The following SNX25 variants were observed in gnomAD, a reference collection of about 807,000 sequenced individuals.
The protein encoded by SNX25 is sorting nexin-25.
Under a neutral mutation model 113.7 loss-of-function variants are expected in SNX25, and 62 were observed. The observed-to-expected ratio is 0.55, with a 90% CI of 0.44 to 0.67. The LOEUF is 0.67. SNX25 is among the 30% of genes least tolerant of loss of function. The pLI is 0.00. For synonymous variants in SNX25, 421 were observed against 436.2 expected (o/e 0.97, Z 0.43); for missense variants, 1,014 against 1,161.0 (o/e 0.87, Z 1.84).
intron 5 of SNX25, among the ~76,000 whole-genome samples, chr4:185,286,165 G>A (rs1183058423): frequency 6.6e-6 from 1 of 152,072 alleles, no homozygotes; most frequent in African/African-American, 2.4e-5. Flanking sequence ...ATCCAGGCTG[G>A]AGGGCAGTGG....
chr4:185,322,703 A>G (rs980148000), intron 8 of SNX25, among the ~76,000 whole-genome samples: 1 of 152,234 alleles, frequency 6.6e-6, no homozygotes, highest in African/African-American at 2.4e-5. Context: ...TCTCAAAGGA[A>G]TATTGTAAAG....
At chr4:185,324,769 C>T (rs1013662940) in intron 9 of SNX25, among the ~76,000 whole-genome samples, 2 of 151,908 alleles carry the variant, frequency 1.3e-5, no homozygotes, top group East Asian at 3.9e-4. Context: ...TCCAGGATGG[C>T]GATGCTCCTG....
chr4:185,231,261 G>A (rs1291252631), intron 1 of SNX25, among the ~76,000 whole-genome samples: 2 of 151,590 alleles, frequency 1.3e-5, no homozygotes, highest in African/African-American at 4.8e-5. Flanking sequence ...ACCACGCCCG[G>A]CTAATTTTTT....
upstream of SNX25, among the ~76,000 whole-genome samples, chr4:185,205,452 T>C (rs893299884): frequency 4.4e-5 from 6 of 136,028 alleles, no homozygotes; most frequent in African/African-American, 1.6e-4. Flanking sequence ...AGACTGTGTC[T>C]CAAAAAAAAA....
chr4:185,370,968 G>C (rs1340933884), downstream of SNX25: 1 of 694,370 alleles, frequency 1.4e-6, no homozygotes, highest in East Asian at 2.8e-5. Flanking sequence ...GGTCCATGTA[G>C]GCACCTCATA....
downstream of SNX25, among the ~76,000 whole-genome samples, chr4:185,373,521 T>C (rs1198563469): frequency 6.6e-6 from 1 of 152,236 alleles, no homozygotes; most frequent in Non-Finnish European, 1.5e-5. Flanking sequence ...GGATAAACGC[T>C]GTATGTAGGC....
intron 12 of SNX25, among the ~76,000 whole-genome samples, chr4:185,342,411 T>G (rs2095264374): frequency 6.6e-6 from 1 of 152,224 alleles, no homozygotes; most frequent in Non-Finnish European, 1.5e-5. Flanking sequence ...TGTGATATCT[T>G]GATGGTAGTG....
chr4:185,215,195 C>G (rs1217571196), intron 1 of SNX25, among the ~76,000 whole-genome samples: 5 of 151,928 alleles, frequency 3.3e-5, no homozygotes, highest in South Asian at 2.1e-4. Context: ...TGCCACTGCA[C>G]TCCAGCCTGG....
In SNX25 at chr4:185,363,646, G is replaced by GA. The variant is rs1331276753; in HGVS notation, c.*188dup. 17 of 477,862 alleles carry GA rather than the reference G, an allele frequency of 3.6e-5. No homozygotes were observed. The South Asian group carries it at 6.7e-4, about 19-fold the overall frequency. The allele number at this position is 477,862 out of a possible 1,614,324, so 29.6% of individuals were successfully genotyped here. On this transcript the variant is annotated 3_prime_UTR_variant, in exon 19 of 19. Transcript: ENST00000652585. This position sits in a 1 kb window ranked among gnomAD's most constrained non-coding sequence, Gnocchi z 4.2. ...GGGACTTATGCTGTGGTAGGCAACA[G>GA]AAAAAAACTTCTATTGATTTTAATT... is the stretch of plus-strand genomic sequence containing the variant.
downstream of SNX25, among the ~76,000 whole-genome samples, chr4:185,371,637 A>G (rs1050651338): frequency 6.6e-6 from 1 of 152,018 alleles, no homozygotes; most frequent in Non-Finnish European, 1.5e-5. Context: ...GATCCAGTCA[A>G]CTCCATGTTA....
chr4:185,374,048 G>A (rs967633536), downstream of SNX25: 36 of 1,089,330 alleles, frequency 3.3e-5, no homozygotes, highest in Admixed American at 2.4e-4. Context: ...TATTTAAAAC[G>A]ACATTCCCCA....
intron 9 of SNX25, among the ~76,000 whole-genome samples, chr4:185,325,306 G>A (rs968411443): frequency 1.3e-5 from 2 of 152,088 alleles, no homozygotes; most frequent in Non-Finnish European, 2.9e-5. Flanking sequence ...GGCTGAGGTG[G>A]GTGGATCATG....
intron 2 of SNX25, among the ~76,000 whole-genome samples, chr4:185,256,247 GTTATC>G (rs1358856234): frequency 1.3e-5 from 2 of 152,148 alleles, no homozygotes; most frequent in Non-Finnish European, 2.9e-5. Context: ...GGAAGGCACA[GTTATC>G]TTATCCCTAC....
At chr4:185,304,930 C>G (rs6846331) in intron 6 of SNX25, among the ~76,000 whole-genome samples, 1 of 152,126 alleles carries the variant, frequency 6.6e-6, no homozygotes, top group South Asian at 2.1e-4. Context: ...ACGAGAAGAC[C>G]TGAGCATCCT....
chr4:185,349,933 C>T (rs1163220025), intron 13 of SNX25, among the ~76,000 whole-genome samples: 1 of 152,228 alleles, frequency 6.6e-6, no homozygotes, highest in Admixed American at 6.5e-5. Context: ...TGGGGGAGAA[C>T]ATCTCACTAC....
At chr4:185,251,230 A>C (rs1467035763) in intron 2 of SNX25, among the ~76,000 whole-genome samples, 1 of 152,082 alleles carries the variant, frequency 6.6e-6, no homozygotes, top group East Asian at 1.9e-4. Context: ...CCTGACCTCA[A>C]GTGATCCGCT....
chr4:185,372,932 C>T (rs200032008), downstream of SNX25: 35 of 1,613,914 alleles, frequency 2.2e-5, no homozygotes, highest in East Asian at 2.0e-4. Flanking sequence ...TGAGCATAGA[C>T]GTTTCCGCGT....
rs869069759 is a variant in SNX25 at position 185,346,526 on chromosome 4, T to TC, written c.2188-5dup. 1 of 1,516,826 alleles carries TC rather than the reference T, an allele frequency of 6.6e-7. No individual in the cohort carries two copies. Among genetic ancestry groups the TC allele is most frequent in the Non-Finnish European group, 9.0e-7 (1 of 1,111,236 alleles). The allele number at this position is 1,516,826 out of a possible 1,614,324, so 94.0% of individuals were successfully genotyped here. ...TTCAAAATACTAACATTTCATTTTT[T>TC]CCCCCCACAGTGCGTCCCTTCTTTA... On this transcript the variant is annotated splice_polypyrimidine_tract_variant and intron_variant, in intron 12 of 18. Transcript: ENST00000652585.
chr4:185,263,193 G>T (rs1043704826), intron 3 of SNX25, among the ~76,000 whole-genome samples: 2 of 152,122 alleles, frequency 1.3e-5, no homozygotes, highest in African/African-American at 4.8e-5. Flanking sequence ...GTTTGAGAGA[G>T]ATTTTGATAT....
Sources: gnomAD v4.1 joint callset for allele counts (sites outside exome capture counted in the v4.1 genomes callset) on GRCh38, gnomAD v4.1.1 for gene constraint, Gnocchi (gnomAD v3.1) non-coding constraint, MANE v1.5 for transcripts, NCBI Gene and HGNC (gene_info 2026-07-23, HGNC 2026-07-21) for gene names.